Variants in FLI1 observed in about 807,000 individuals in gnomAD.
FLI1 encodes Fli-1 proto-oncogene, ETS transcription factor.
FLI1 carries 13 observed loss-of-function variants against 53.1 expected under a neutral mutation model. The observed-to-expected ratio is 0.24, with a 90% CI of 0.16 to 0.39. FLI1 has a LOEUF of 0.39. Ranked by LOEUF, FLI1 falls within the 10% of genes least tolerant of loss-of-function variation. The pLI, the probability that FLI1 is intolerant of heterozygous loss-of-function variation, is 1.00. For missense variants in FLI1, 424 were observed against 600.5 expected, an observed-to-expected ratio of 0.71 and a Z score of 3.07; for synonymous variants, 244 against 236.7, an observed-to-expected ratio of 1.03 and a Z score of -0.28.
intron 2 of FLI1, 145 bp from the exon 3 acceptor site, chr11:128,767,970 AGAG>A: frequency 1.5e-6 from 1 of 651,864 alleles, no homozygotes; most frequent in Non-Finnish European, 2.6e-6. Flanking sequence ...GAGGATAGAA[AGAG>A]GGCATCATCA....
intron 1 of FLI1, among the ~76,000 whole-genome samples, chr11:128,721,636 C>T (rs1294793057): frequency 6.6e-6 from 1 of 152,124 alleles, no homozygotes; most frequent in Non-Finnish European, 1.5e-5. Flanking sequence ...ACCCACAGAC[C>T]CTTGTGGTCA....
intron 1 of FLI1, among the ~76,000 whole-genome samples, chr11:128,735,450 G>A (rs1419867140): frequency 1.3e-5 from 2 of 152,152 alleles, no homozygotes; most frequent in Non-Finnish European, 2.9e-5. Flanking sequence ...TATTTCTAAG[G>A]TTTGGATACA....
Position 128,699,980 on chromosome 11 carries a change from C to T in FLI1, c.18+5704C>T, listed in dbSNP as rs74891520. The stretch of plus-strand genomic sequence containing the variant: ...AACTATGTTCTGTGAAGATAGAACC[C>T]CAATGGCAAAAGGGCTCTGCCAGGA... On this transcript the variant is annotated intron_variant, in intron 1 of 8. Transcript: ENST00000527786. Among the ~76,000 whole-genome samples, 1,077 of 152,230 alleles carry T rather than the reference C, an allele frequency of 7.1e-3. 15 individuals carry two copies. Among genetic ancestry groups the T allele is most frequent in the African/African-American group, 0.024 (1,001 of 41,524 alleles).
chr11:128,781,613 C>G (rs1218717598), intron 4 of FLI1, among the ~76,000 whole-genome samples: 1 of 152,156 alleles, frequency 6.6e-6, no homozygotes. Context: ...CTGGAATAGA[C>G]CCGGGTTTAC....
intron 1 of FLI1, among the ~76,000 whole-genome samples, chr11:128,751,702 A>G (rs943897412): frequency 6.8e-6 from 1 of 147,722 alleles, no homozygotes; most frequent in African/African-American, 2.5e-5. Flanking sequence ...AATTTTTTGT[A>G]TTTTTTTAGT....
chr11:128,801,036 A>G (rs543727110), intron 5 of FLI1, among the ~76,000 whole-genome samples: 1 of 152,378 alleles, frequency 6.6e-6, no homozygotes, highest in Admixed American at 6.5e-5. Flanking sequence ...CACCACAGAA[A>G]CAGACCAAGA....
chr11:128,755,972 G>T (rs1197583999), intron 1 of FLI1, among the ~76,000 whole-genome samples: 1 of 152,178 alleles, frequency 6.6e-6, no homozygotes, highest in Non-Finnish European at 1.5e-5. Context: ...GTGGAGAATG[G>T]CCCTGGGAGA....
At chr11:128,760,989 G>A (rs1941096732) in intron 2 of FLI1, among the ~76,000 whole-genome samples, 1 of 152,162 alleles carries the variant, frequency 6.6e-6, no homozygotes, top group African/African-American at 2.4e-5. Flanking sequence ...CGGACAGCAA[G>A]CAGCCAGAGC....
chr11:128,698,041 G>A (rs1312855948), intron 1 of FLI1, among the ~76,000 whole-genome samples: 1 of 151,976 alleles, frequency 6.6e-6, no homozygotes, highest in Non-Finnish European at 1.5e-5. Flanking sequence ...AACTCCAGAA[G>A]AGTACAGCAC....
intron 5 of FLI1, among the ~76,000 whole-genome samples, chr11:128,798,397 GGA>G (rs1491058097): frequency 6.6e-6 from 1 of 150,692 alleles, no homozygotes; most frequent in Admixed American, 6.6e-5. Flanking sequence ...GGTTCAGCAG[GGA>G]GCCTCACGTG....
chr11:128,757,302 GATAAT>G (rs1940931759), intron 1 of FLI1, among the ~76,000 whole-genome samples: 1 of 151,962 alleles, frequency 6.6e-6, no homozygotes, highest in Non-Finnish European at 1.5e-5. Context: ...TCAGTGATGG[GATAAT>G]ATGAGTGGGA....
intron 1 of FLI1, among the ~76,000 whole-genome samples, chr11:128,741,134 T>C (rs1252564929): frequency 1.3e-5 from 2 of 152,168 alleles, no homozygotes; most frequent in African/African-American, 4.8e-5. Flanking sequence ...TGGCTCATGC[T>C]TATAATCCCA....
chr11:128,778,694 C>T (rs1941819000), intron 4 of FLI1, among the ~76,000 whole-genome samples: 2 of 152,230 alleles, frequency 1.3e-5, no homozygotes, highest in African/African-American at 4.8e-5. Flanking sequence ...TGCGTCCCCA[C>T]CACCACCTTC....
At chr11:128,767,303 C>T (rs1283491176) in intron 2 of FLI1, among the ~76,000 whole-genome samples, 2 of 152,210 alleles carry the variant, frequency 1.3e-5, no homozygotes, top group South Asian at 2.1e-4. Flanking sequence ...AGGGCCACCA[C>T]CTCTCCATCA....
chr11:128,769,903 G>A (rs1297050463), intron 3 of FLI1, among the ~76,000 whole-genome samples: 1 of 152,198 alleles, frequency 6.6e-6, no homozygotes, highest in Non-Finnish European at 1.5e-5. Context: ...GAACTGACAG[G>A]TGGGAATCTC....
At chr11:128,799,058 C>CTTTTTTTTTTTTTTTTTTTTTTTTTTTT (rs1942544964) in intron 5 of FLI1, among the ~76,000 whole-genome samples, 2 of 102,746 alleles carry the variant, frequency 1.9e-5, no homozygotes, top group African/African-American at 7.8e-5. Flanking sequence ...TATTATTTTG[C>CTTTTTTTTTTTTTTTTTTTTTTTTTTTT]TTTGGAGACA....
intron 3 of FLI1, among the ~76,000 whole-genome samples, chr11:128,770,621 T>A (rs918283837): frequency 5.3e-5 from 8 of 152,194 alleles, no homozygotes; most frequent in African/African-American, 1.9e-4. Flanking sequence ...AATAATATTG[T>A]TGCAGAGCCC....
In FLI1 at chr11:128,786,349, C is replaced by T. The variant is rs191467520; in HGVS notation, c.655+4326C>T. 5.3e-4 allele frequency among the ~76,000 whole-genome samples: 81 copies of T among 152,286 alleles called. No homozygotes were observed. In the East Asian group the frequency reaches 0.013, roughly 25 times the overall value. ...GGTATAGGTAAGTGAAGAGACTGTACGATCTTGATTAGTTTTTTGTCATTG... is the reference window on the plus strand; with the variant it reads ...GGTATAGGTAAGTGAAGAGACTGTATGATCTTGATTAGTTTTTTGTCATTG... On this transcript the variant is annotated intron_variant, in intron 5 of 8. Transcript: ENST00000527786.
At chr11:128,807,510 G>C (rs557334021) in intron 7 of FLI1, among the ~76,000 whole-genome samples, 1 of 152,178 alleles carries the variant, frequency 6.6e-6, no homozygotes. Context: ...GGCCCGGGGA[G>C]GTGAAGTGAC....
Sources: allele counts gnomAD v4.1 joint callset (sites outside exome capture counted in the v4.1 genomes callset), GRCh38; gene constraint gnomAD v4.1.1; transcripts MANE v1.5; gene names NCBI Gene and HGNC (gene_info 2026-07-23, HGNC 2026-07-21).